The following MYO1B variants were observed in gnomAD, a reference collection of about 807,000 sequenced individuals.
The protein encoded by MYO1B is unconventional myosin-Ib.
Under a neutral mutation model 159.7 loss-of-function variants are expected in MYO1B, and 72 were observed. That is an observed-to-expected ratio of 0.45 (90% CI 0.37 to 0.55). MYO1B has a LOEUF of 0.55. Ranked by LOEUF, MYO1B falls within the 20% of genes least tolerant of loss-of-function variation. The pLI, the probability that MYO1B is intolerant of heterozygous loss-of-function variation, is 0.00. For missense variants in MYO1B, 1,062 were observed against 1,364.8 expected (o/e 0.78, Z 3.50); for synonymous variants, 468 against 473.8 (o/e 0.99, Z 0.16).
At chr2:191,331,454 A>G (rs923622268) in intron 4 of MYO1B, among the ~76,000 whole-genome samples, 26 of 152,122 alleles carry the variant, frequency 1.7e-4, no homozygotes, top group African/African-American at 4.6e-4. Flanking sequence ...GCCTCTACCT[A>G]TTTGTCTTCA....
At chr2:191,248,918 T>A (rs1198887086) in intron 1 of MYO1B, among the ~76,000 whole-genome samples, 2 of 152,212 alleles carry the variant, frequency 1.3e-5, no homozygotes, top group Non-Finnish European at 1.5e-5. Context: ...GTGAGATAGG[T>A]TTGGAAGCCC....
chr2:191,362,057 T>TA (rs1190603999), intron 8 of MYO1B, among the ~76,000 whole-genome samples: 1 of 152,194 alleles, frequency 6.6e-6, no homozygotes, highest in Admixed American at 6.5e-5. Context: ...CTTACCTAGA[T>TA]AAGTATAAAA....
At chr2:191,390,754 G>C (rs1695697064) in intron 18 of MYO1B, among the ~76,000 whole-genome samples, 1 of 152,046 alleles carries the variant, frequency 6.6e-6, no homozygotes, top group South Asian at 2.1e-4. Context: ...TTTGTAATTT[G>C]ATACACTTAT....
At chr2:191,309,464 G>A (rs1411814235) in intron 3 of MYO1B, among the ~76,000 whole-genome samples, 1 of 152,136 alleles carries the variant, frequency 6.6e-6, no homozygotes, top group East Asian at 1.9e-4. Context: ...CTTCATGAAT[G>A]TTATGGCCAC....
intron 13 of MYO1B, among the ~76,000 whole-genome samples, chr2:191,374,166 T>C (rs1694553858): frequency 6.6e-6 from 1 of 152,122 alleles, no homozygotes; most frequent in African/African-American, 2.4e-5. Context: ...AAGCTCAGAG[T>C]GTTAGGAAAC....
intron 2 of MYO1B, 68 bp from the exon 3 acceptor site, chr2:191,296,043 A>G (rs1434256877): frequency 1.3e-5 from 11 of 859,392 alleles, no homozygotes; most frequent in Non-Finnish European, 1.7e-5. Flanking sequence ...ATACAACACT[A>G]AAGCTTAAGA....
chr2:191,405,173 A>G (rs1254904990), intron 24 of MYO1B, among the ~76,000 whole-genome samples: 1 of 152,234 alleles, frequency 6.6e-6, no homozygotes, highest in Non-Finnish European at 1.5e-5. Context: ...ATTCCATCTC[A>G]GGAAACTACT....
chr2:191,363,083 C>T (rs1473456516), intron 9 of MYO1B, among the ~76,000 whole-genome samples: 9 of 152,210 alleles, frequency 5.9e-5, no homozygotes, highest in Admixed American at 5.9e-4. Flanking sequence ...GTAGCCTAGT[C>T]ATTTTTAAAA....
At chr2:191,345,902 CA>C (rs1403027134) in intron 5 of MYO1B, among the ~76,000 whole-genome samples, 1 of 152,162 alleles carries the variant, frequency 6.6e-6, no homozygotes, top group African/African-American at 2.4e-5. Context: ...CCTAGAAGAG[CA>C]TGAAGCTTTG....
At chr2:191,367,044 C>T (rs1406287941) in intron 11 of MYO1B, among the ~76,000 whole-genome samples, 1 of 152,104 alleles carries the variant, frequency 6.6e-6, no homozygotes, top group African/African-American at 2.4e-5. Flanking sequence ...ATGTCTGCAG[C>T]ACATTCCACC....
intron 2 of MYO1B, among the ~76,000 whole-genome samples, chr2:191,291,205 G>A (rs543333765): frequency 6.6e-6 from 1 of 152,270 alleles, no homozygotes; most frequent in African/African-American, 2.4e-5. Context: ...ATGTCCTCCA[G>A]AAAAGACCTC....
At chr2:191,343,046 A>G (rs1164002251) in intron 5 of MYO1B, among the ~76,000 whole-genome samples, 1 of 152,114 alleles carries the variant, frequency 6.6e-6, no homozygotes, top group East Asian at 1.9e-4. Context: ...GCATTGTAGG[A>G]TGGCCTGTCC....
chr2:191,411,008 T>G, intron 26 of MYO1B, 58 bp from the exon 27 acceptor site: 3 of 966,938 alleles, frequency 3.1e-6, no homozygotes, highest in Non-Finnish European at 4.7e-6. Flanking sequence ...TATTTAAGAA[T>G]GAGTAATAAT....
chr2:191,409,520 TA>T (rs1450241773), intron 26 of MYO1B, among the ~76,000 whole-genome samples: 5 of 152,240 alleles, frequency 3.3e-5, no homozygotes, highest in African/African-American at 1.2e-4. Flanking sequence ...AGAGAAATCA[TA>T]AAATTTGGAC....
At chr2:191,323,962 T>C (rs1690893523) in intron 3 of MYO1B, among the ~76,000 whole-genome samples, 1 of 152,168 alleles carries the variant, frequency 6.6e-6, no homozygotes, top group South Asian at 2.1e-4. Flanking sequence ...TTCACCTGCA[T>C]TCTGCCATCT....
intron 3 of MYO1B, among the ~76,000 whole-genome samples, chr2:191,314,204 A>C (rs1690204229): frequency 6.6e-6 from 1 of 152,216 alleles, no homozygotes; most frequent in Non-Finnish European, 1.5e-5. Context: ...TTTTATTTGA[A>C]TGCATTTCTA....
intron 2 of MYO1B, among the ~76,000 whole-genome samples, chr2:191,281,260 G>T (rs1688041234): frequency 6.6e-6 from 1 of 152,184 alleles, no homozygotes; most frequent in Non-Finnish European, 1.5e-5. Flanking sequence ...GGCAGATATT[G>T]ACGTGGTCTT....
At chr2:191,414,206 A>AT (rs1349073329) in intron 28 of MYO1B, 26 bp downstream of exon 28, 1 of 1,598,662 alleles carries the variant, frequency 6.3e-7, no homozygotes, top group East Asian at 2.2e-5. Context: ...TTGAAGACTG[A>AT]TAAGAAGTAC....
chr2:191,307,151 A>G (rs868574328), intron 3 of MYO1B, among the ~76,000 whole-genome samples: 6 of 152,104 alleles, frequency 3.9e-5, no homozygotes, highest in Middle Eastern at 3.2e-3. Context: ...TTATTTCTTG[A>G]TTATATGCTA....
Sources: allele counts gnomAD v4.1 joint callset (sites outside exome capture counted in the v4.1 genomes callset), GRCh38; gene constraint gnomAD v4.1.1; transcripts MANE v1.5; gene names NCBI Gene and HGNC (gene_info 2026-07-23, HGNC 2026-07-21).